RBM42: variants seen among roughly 807,000 people sequenced by gnomAD.
RBM42 encodes RNA-binding protein 42.
In RBM42, 21 loss-of-function variants were observed where a neutral mutation model predicts 41.4. The observed-to-expected ratio is 0.51, with a 90% CI of 0.36 to 0.73. The LOEUF is 0.73. Ranked by LOEUF, RBM42 falls within the 30% of genes least tolerant of loss-of-function variation. The pLI is 0.00. For synonymous variants in RBM42, 272 were observed against 271.2 expected (o/e 1.00, Z -0.03); for missense variants, 539 against 680.4 (o/e 0.79, Z 2.31).
At chr19:35,636,190 G>C (rs1460850706) in intron 8 of RBM42, among the ~76,000 whole-genome samples, 9 of 146,978 alleles carry the variant, frequency 6.1e-5, no homozygotes, top group Non-Finnish European at 1.2e-4. Flanking sequence ...ACAGAGTCTC[G>C]CACTGTCACC....
chr19:35,637,148 C>T lies in RBM42; in HGVS notation c.1136-10C>T. On this transcript the variant is annotated splice_polypyrimidine_tract_variant and intron_variant, in intron 8 of 9. Transcript: ENST00000262633. The surrounding 1 kb of genome is among the most constrained non-coding windows in gnomAD (Gnocchi z 7.0). ...TGCATCCTCTGATGTCATCTCTTCC[C>T]CATCCCCAGATGACTTCCGGATCTT... The T allele has an allele frequency of 6.2e-7, 1 of 1,607,594 alleles. No individual in the cohort carries two copies. The highest frequency in any genetic ancestry group is 8.5e-7 in the Non-Finnish European group (1 of 1,176,544).
At chr19:35,632,914 C>A in intron 4 of RBM42, 22 bp from the exon 5 acceptor site, 2 of 1,139,654 alleles carry the variant, frequency 1.8e-6, no homozygotes, top group Non-Finnish European at 2.7e-6. Context: ...ATGACACACA[C>A]CCCCATCTCT....
chr19:35,630,109 A>G (rs955985837), intron 2 of RBM42, among the ~76,000 whole-genome samples: 2 of 150,950 alleles, frequency 1.3e-5, no homozygotes, highest in African/African-American at 4.9e-5. Context: ...AGGTCAAGAG[A>G]TCGAGTCCAT....
chr19:35,632,867 GCA>G, intron 4 of RBM42, 67 bp from the exon 5 acceptor site: 11 of 763,502 alleles, frequency 1.4e-5, no homozygotes, highest in South Asian at 5.6e-5. Context: ...ACACACGCAT[GCA>G]CACACACACC....
chr19:35,629,080 GGA>G lies in RBM42; in HGVS notation c.-70_-69del. Reference sequence around the variant, plus strand: ...CTCGGGAGCCCACCCGGACGAAGGGGGAGAGTAGACAGCAGAACCAGCGGCGG... The same window carrying G: ...CTCGGGAGCCCACCCGGACGAAGGGGGAGTAGACAGCAGAACCAGCGGCGG... On this transcript the variant is annotated 5_prime_UTR_variant, in exon 1 of 10. Transcript: ENST00000262633. 6.8e-7 allele frequency: 1 copy of G among 1,461,344 alleles called. No homozygotes were observed. Among genetic ancestry groups the G allele is most frequent in the Non-Finnish European group, 9.0e-7 (1 of 1,109,606 alleles). The allele number at this position is 1,461,344 out of a possible 1,614,324, so 90.5% of individuals were successfully genotyped here. A position where few individuals can be genotyped will look rare whatever the true frequency, so the allele number is the denominator to read the frequency against.
chr19:35,634,363 G>A lies in RBM42; in HGVS notation c.1125G>A (p.Glu375=), dbSNP rs760229818. The change falls in exon 8 of 10, where the codon GAG becomes GAA. Residue 375 remains glutamate, a synonymous_variant. Coordinates refer to ENST00000262633, the MANE Select transcript of RBM42 (RefSeq NM_024321.5). Reference sequence around the variant, plus strand: ...GCTGGGAGGACCCCAGCCTGCTGGAGTGGGATGCAGGTAAGCTGCTGAAGC... The same window carrying A: ...GCTGGGAGGACCCCAGCCTGCTGGAATGGGATGCAGGTAAGCTGCTGAAGC... ...GSSWEDPSLL[E]WDADDFRIFC... is the part of the protein sequence containing the mutation. The A allele has an allele frequency of 6.2e-7, 1 of 1,613,372 alleles. No individual in the cohort carries two copies. The highest frequency in any genetic ancestry group is 1.1e-5 in the South Asian group (1 of 90,958).
intron 1 of RBM42, 112 bp from the exon 2 acceptor site, chr19:35,629,408 G>T: frequency 6.5e-7 from 1 of 1,537,174 alleles, no homozygotes; most frequent in South Asian, 1.2e-5. Context: ...TCGGGATTGT[G>T]GGGGCGGGGA....
chr19:35,629,700 C>G (rs1209852428), intron 2 of RBM42, 27 bp downstream of exon 2: 1 of 1,612,140 alleles, frequency 6.2e-7, no homozygotes, highest in Non-Finnish European at 8.5e-7. Context: ...GCATGTAAGT[C>G]AGGGAACACA....
intron 7 of RBM42, 58 bp from the exon 8 acceptor site, chr19:35,634,198 A>G: frequency 1.3e-6 from 2 of 1,589,756 alleles, no homozygotes; most frequent in Middle Eastern, 3.4e-4. Context: ...CCGGGGACCA[A>G]AGGACAGTGG....
intron 8 of RBM42, among the ~76,000 whole-genome samples, chr19:35,636,001 C>T (rs996020602): frequency 1.3e-5 from 2 of 152,036 alleles, no homozygotes; most frequent in Non-Finnish European, 2.9e-5. Flanking sequence ...ATGGGGCAGC[C>T]GTGCAATGGC....
chr19:35,635,367 A>G (rs1288855864), intron 8 of RBM42, among the ~76,000 whole-genome samples: 1 of 151,704 alleles, frequency 6.6e-6, no homozygotes, highest in Non-Finnish European at 1.5e-5. Flanking sequence ...TAATACTATT[A>G]TCAAGTCTAA....
chr19:35,636,896 C>T (rs570036209), intron 8 of RBM42, among the ~76,000 whole-genome samples: 139 of 152,090 alleles, frequency 9.1e-4, no homozygotes, highest in Admixed American at 4.9e-3. Context: ...TTAGCTCTGC[C>T]GCTTCCTGCT....
At chr19:35,635,871 A>G (rs1227293944) in intron 8 of RBM42, among the ~76,000 whole-genome samples, 2 of 152,024 alleles carry the variant, frequency 1.3e-5, no homozygotes, top group South Asian at 2.1e-4. Flanking sequence ...TGTTTTGTAC[A>G]TATTTTTTGA....
rs570903234 is a variant in RBM42, at chr19:35,629,111, C to T, written c.-43C>T. On this transcript the variant is annotated 5_prime_UTR_variant, in exon 1 of 10. Coordinates refer to ENST00000262633, the MANE Select transcript of RBM42 (RefSeq NM_024321.5). Reference sequence around the variant, plus strand: ...TAGACAGCAGAACCAGCGGCGGCGGCTAAGCAGAGACTGTAGTAGCGGCGA... The same window carrying T: ...TAGACAGCAGAACCAGCGGCGGCGGTTAAGCAGAGACTGTAGTAGCGGCGA... The T allele has an allele frequency of 1.1e-4, 167 of 1,491,374 alleles. No individual in the cohort carries two copies. The highest frequency in any genetic ancestry group is 1.4e-4 in the Non-Finnish European group (163 of 1,124,806). The allele number at this position is 1,491,374 out of a possible 1,614,324, so 92.4% of individuals were successfully genotyped here. A position where few individuals can be genotyped will look rare whatever the true frequency, so the allele number is the denominator to read the frequency against.
Position 35,637,630 on chromosome 19 carries a change from C to A in RBM42, c.*76C>A. The A allele has an allele frequency of 8.8e-7, 1 of 1,134,404 alleles. No homozygotes were observed. Among genetic ancestry groups the A allele is most frequent in the Non-Finnish European group, 1.3e-6 (1 of 777,126 alleles). The allele number at this position is 1,134,404 out of a possible 1,614,324, so 70.3% of individuals were successfully genotyped here. On this transcript the variant is annotated 3_prime_UTR_variant, in exon 10 of 10. Coordinates refer to ENST00000262633, the MANE Select transcript of RBM42 (RefSeq NM_024321.5). The surrounding 1 kb of genome is among the most constrained non-coding windows in gnomAD (Gnocchi z 7.0). ...TCAGTTCTCTTTGGAAAACCCCCAG[C>A]TGTCCACCCATCCCCTGCCCCAAAA...
chr19:35,633,032 A>T lies in RBM42; in HGVS notation c.508+31A>T, dbSNP rs373027340. Reference sequence around the variant, plus strand: ...GGGCCAGGGTCATCATCCCTGCCACATAACTCCCCCCAGGCCCTGGAACTC... The same window carrying T: ...GGGCCAGGGTCATCATCCCTGCCACTTAACTCCCCCCAGGCCCTGGAACTC... On this transcript the variant is annotated intron_variant, in intron 5 of 9. Coordinates refer to ENST00000262633, the MANE Select transcript of RBM42 (RefSeq NM_024321.5). The T allele has an allele frequency of 7.4e-5, 119 of 1,601,556 alleles. No individual in the cohort carries two copies. In the African/African-American group the frequency reaches 1.5e-3, roughly 20 times the overall value.
Position 35,629,595 on chromosome 19 carries a change from G to A in RBM42, c.204G>A (p.Thr68=). Reference sequence around the variant, plus strand: ...TGCCTGCGGTGCCCACTGTCCCCACGGTCCCCACAGTAGAAGCGATGCAGG... The same window carrying A: ...TGCCTGCGGTGCCCACTGTCCCCACAGTCCCCACAGTAGAAGCGATGCAGG... ...TAVPAVPTVP[T]VPTVEAMQVP... The change falls in exon 2 of 10, where the codon ACG becomes ACA. Residue 68 remains threonine (T), a synonymous_variant. Coordinates refer to ENST00000262633, the MANE Select transcript of RBM42 (RefSeq NM_024321.5). The A allele has an allele frequency of 6.2e-7, 1 of 1,614,114 alleles. No homozygotes were observed. Among genetic ancestry groups the A allele is most frequent in the Non-Finnish European group, 8.5e-7 (1 of 1,180,002 alleles).
chr19:35,635,248 A>C (rs1599608293), intron 8 of RBM42, among the ~76,000 whole-genome samples: 1 of 150,724 alleles, frequency 6.6e-6, no homozygotes. Context: ...CCCAGGAGGC[A>C]GAGGTTGCAG....
rs148429858 is a variant in RBM42, at chr19:35,632,960, T to G, written c.467T>G (p.Ile156Ser). Residue 156 changes from isoleucine to serine, a missense_variant, in exon 5 of 10, where the codon ATC becomes AGC. Around this residue, in one of 2 missense-constraint regions of RBM42, gnomAD observed 429 missense variants for 488.9 expected, o/e 0.88. Transcript: ENST00000262633. ...GCTGTGGCCCCCCAGAGGGCCCCTA[T>G]CCTGCGTCCAGCCTTCGTCCCCCAC... ...RAAVAPQRAP[I>S]LRPAFVPHVL... 1.5e-4 allele frequency: 243 copies of G among 1,603,758 alleles called. No homozygotes were observed. Among genetic ancestry groups the G allele is most frequent in the Non-Finnish European group, 2.8e-5 (33 of 1,171,702 alleles).
Sources: gnomAD v4.1 joint callset for allele counts (sites outside exome capture counted in the v4.1 genomes callset) on GRCh38, gnomAD v4.1.1 for gene constraint, gnomAD v4.1.1 regional missense constraint, Gnocchi (gnomAD v3.1) non-coding constraint, MANE v1.5 for transcripts, NCBI Gene and HGNC (gene_info 2026-07-23, HGNC 2026-07-21) for gene names.